PXYLP1: variants seen among roughly 807,000 people sequenced by gnomAD.
PXYLP1 encodes the protein 2-phosphoxylose phosphatase 1.
In PXYLP1, 17 loss-of-function variants were observed where a neutral mutation model predicts 37.9. The ratio of observed to expected loss-of-function variants is 0.45; its 90% CI spans 0.31 to 0.67. The LOEUF (loss-of-function observed/expected upper bound fraction) is 0.67, where lower values mean the gene tolerates loss of function less well. PXYLP1 is among the 30% of genes least tolerant of loss of function. The probability of loss-of-function intolerance (pLI) is 0.07; values close to 1 mark genes in which losing one functional copy is unlikely to be tolerated. For synonymous variants in PXYLP1, 221 were observed against 232.2 expected (o/e 0.95, Z 0.44); for missense variants, 511 against 612.0 (o/e 0.84, Z 1.74).
At chr3:141,247,977 AG>A (rs1331664334) in intron 1 of PXYLP1, among the ~76,000 whole-genome samples, 1 of 150,746 alleles carries the variant, frequency 6.6e-6, no homozygotes, top group Non-Finnish European at 1.5e-5. Flanking sequence ...TACAACTGTT[AG>A]CTGAGCTGAA....
chr3:141,239,676 G>A (rs1417211856), intron 1 of PXYLP1, among the ~76,000 whole-genome samples: 1 of 152,158 alleles, frequency 6.6e-6, no homozygotes, highest in East Asian at 1.9e-4. Context: ...AGCTTGAGAA[G>A]TGTTTATTTA....
chr3:141,271,629 T>C (rs1941666447), intron 2 of PXYLP1, among the ~76,000 whole-genome samples: 1 of 152,150 alleles, frequency 6.6e-6, no homozygotes, highest in East Asian at 1.9e-4. Flanking sequence ...TACCCAACTG[T>C]AATCTGCCAG....
At chr3:141,264,649 G>A (rs1268101385) in intron 2 of PXYLP1, among the ~76,000 whole-genome samples, 1 of 152,188 alleles carries the variant, frequency 6.6e-6, no homozygotes. Flanking sequence ...GCTGTGTGCT[G>A]GGACAGGTAA....
chr3:141,271,420 C>T (rs1941661193), intron 2 of PXYLP1, among the ~76,000 whole-genome samples: 3 of 152,098 alleles, frequency 2.0e-5, no homozygotes, highest in Admixed American at 2.0e-4. Context: ...GTGTTGAAGT[C>T]CCAAAAAGGG....
At chr3:141,268,540 G>T (rs187974987) in intron 2 of PXYLP1, among the ~76,000 whole-genome samples, 2 of 152,346 alleles carry the variant, frequency 1.3e-5, no homozygotes, top group Non-Finnish European at 2.9e-5. Flanking sequence ...GACATTAAAA[G>T]GAGGAAGCCC....
intron 2 of PXYLP1, among the ~76,000 whole-genome samples, chr3:141,277,602 T>C (rs1197740851): frequency 6.6e-6 from 1 of 152,214 alleles, no homozygotes; most frequent in Non-Finnish European, 1.5e-5. Flanking sequence ...ATTACTACCC[T>C]TATTGACTCT....
intron 2 of PXYLP1, among the ~76,000 whole-genome samples, chr3:141,264,598 AG>A (rs1204287130): frequency 3.9e-5 from 6 of 152,268 alleles, no homozygotes; most frequent in Non-Finnish European, 5.9e-5. Flanking sequence ...CTCTTTGTCC[AG>A]TGGAGAAGAA....
At chr3:141,257,926 A>AAG (rs59677835) in intron 1 of PXYLP1, among the ~76,000 whole-genome samples, 1 of 134,070 alleles carries the variant, frequency 7.5e-6, no homozygotes. Flanking sequence ...AAAAAAAAAA[A>AAG]GAGAGAGAGA....
chr3:141,268,140 A>T (rs187895474), intron 2 of PXYLP1, among the ~76,000 whole-genome samples: 2 of 150,288 alleles, frequency 1.3e-5, no homozygotes, highest in Admixed American at 6.6e-5. Flanking sequence ...AAATTTTAAA[A>T]TGGTACCTTT....
At chr3:141,268,194 A>G (rs1222152826) in intron 2 of PXYLP1, among the ~76,000 whole-genome samples, 1 of 119,066 alleles carries the variant, frequency 8.4e-6, no homozygotes, top group Non-Finnish European at 1.7e-5. Flanking sequence ...AGAGAGAGAG[A>G]GAGAGAGAGA....
intron 2 of PXYLP1, among the ~76,000 whole-genome samples, chr3:141,264,164 A>G (rs953584762): frequency 6.6e-6 from 1 of 151,562 alleles, no homozygotes; most frequent in African/African-American, 2.4e-5. Context: ...GGAGATTCAG[A>G]TTCCCAGTGG....
intron 4 of PXYLP1, among the ~76,000 whole-genome samples, chr3:141,285,150 T>C (rs1399000153): frequency 2.1e-5 from 3 of 141,586 alleles, no homozygotes; most frequent in Non-Finnish European, 3.1e-5. Context: ...TTTTCTTTTT[T>C]TTTTTTTTTT....
At chr3:141,262,828 G>A in intron 2 of PXYLP1, 2 of 827,366 alleles carry the variant, frequency 2.4e-6, no homozygotes, top group East Asian at 2.7e-5. Flanking sequence ...GTAAGAAACA[G>A]CACTAATTCA....
chr3:141,284,513 TA>T (rs1026257445), intron 4 of PXYLP1, among the ~76,000 whole-genome samples: 77 of 152,326 alleles, frequency 5.1e-4, no homozygotes, highest in African/African-American at 1.8e-3. Context: ...TCATCCACAC[TA>T]GCCTTTAGTT....
chr3:141,233,742 C>T (rs560932647), intron 1 of PXYLP1, among the ~76,000 whole-genome samples: 3 of 152,286 alleles, frequency 2.0e-5, no homozygotes, highest in South Asian at 2.1e-4. Context: ...CACAGCACTC[C>T]GAGTGTTTGT....
chr3:141,262,173 C>A (rs1290805672), intron 2 of PXYLP1: 3 of 593,226 alleles, frequency 5.1e-6, no homozygotes, highest in Non-Finnish European at 4.3e-6. Flanking sequence ...GACATATTTC[C>A]ATGTACATGC....
chr3:141,248,501 A>ATG (rs1467924173), intron 1 of PXYLP1, among the ~76,000 whole-genome samples: 1 of 127,568 alleles, frequency 7.8e-6, no homozygotes, highest in African/African-American at 3.7e-5. Flanking sequence ...GTGTGTGTAT[A>ATG]TATATATATA....
chr3:141,280,434 C>G (rs6786821), intron 4 of PXYLP1, among the ~76,000 whole-genome samples: 84,747 of 152,088 alleles, frequency 0.56, 24,255 homozygotes, highest in South Asian at 0.68. Context: ...AGGTTCAGTT[C>G]CTAGGGACCA....
At chr3:141,276,692 T>G (rs1941804088) in intron 2 of PXYLP1, among the ~76,000 whole-genome samples, 1 of 152,188 alleles carries the variant, frequency 6.6e-6, no homozygotes, top group Non-Finnish European at 1.5e-5. Flanking sequence ...AATAACGAGA[T>G]CGGGGGTAGT....
Sources: allele counts gnomAD v4.1 joint callset (sites outside exome capture counted in the v4.1 genomes callset), GRCh38; gene constraint gnomAD v4.1.1; transcripts MANE v1.5; gene names NCBI Gene and HGNC (gene_info 2026-07-23, HGNC 2026-07-21).